Variants in SSX5 observed in about 807,000 individuals in gnomAD.
SSX5 encodes protein SSX5.
In SSX5, 14 loss-of-function variants were observed where a neutral mutation model predicts 14.9. That is an observed-to-expected ratio of 0.94 (90% CI 0.62 to 1.47). SSX5 has a LOEUF of 1.47. SSX5 is among the 40% of genes most tolerant of loss of function. SSX5 has a pLI of 0.00. For synonymous variants in SSX5, 70 were observed against 55.4 expected, an observed-to-expected ratio of 1.26 and a Z score of -1.17; for missense variants, 204 against 154.6, an observed-to-expected ratio of 1.32 and a Z score of -1.70.
intron 1 of SSX5, 33 bp from the exon 2 acceptor site, chrX:48,195,411 G>T (rs1290442286): frequency 8.5e-7 from 1 of 1,172,013 alleles, no homozygotes; most frequent in African/African-American, 1.8e-5. Context: ...CTTTCCAGCT[G>T]CAGGACCTTT....
chrX:48,188,490 C>T (rs2059407447), intron 6 of SSX5, among the ~76,000 whole-genome samples: 2 of 112,456 alleles, frequency 1.8e-5, no homozygotes. Context: ...ACAGGAACTG[C>T]ACTCATAGAA....
chrX:48,187,696 C>T lies in SSX5; in HGVS notation c.502G>A (p.Val168Met). The T allele has an allele frequency of 1.7e-6, 2 of 1,209,297 alleles. No individual in the cohort carries two copies. Among genetic ancestry groups the T allele is most frequent in the Non-Finnish European group, 2.2e-6 (2 of 895,136 alleles). ...ATCACCAGTTGCTTTCTCTCACGCACTCTGTGGGTCCAGGCATGTTTCCCC... is the reference window on the plus strand; with the variant it reads ...ATCACCAGTTGCTTTCTCTCACGCATTCTGTGGGTCCAGGCATGTTTCCCC... The part of the protein sequence containing the change: ...KRGKHAWTHR[V>M]RERKQLVIYE... Residue 168 changes from valine to methionine, a missense_variant, in exon 7 of 8, where the codon GTG becomes ATG. By Grantham distance (21) the Val-to-Met change is conservative. Coordinates refer to ENST00000347757, the MANE Select transcript of SSX5 (RefSeq NM_175723.2).
intron 2 of SSX5, 128 bp downstream of exon 2, chrX:48,195,162 C>T (rs2059435798): frequency 3.3e-6 from 4 of 1,209,257 alleles, no homozygotes; most frequent in Non-Finnish European, 4.5e-6. Context: ...TGAGAGGCTC[C>T]CAAGGTTCCA....
rs782710401 is a variant in SSX5 at position 48,194,849 on chromosome X, G to T, written c.75C>A (p.Phe25Leu). The T allele has an allele frequency of 3.3e-6, 4 of 1,200,244 alleles. No homozygotes were observed. Among genetic ancestry groups the T allele is most frequent in the Admixed American group, 2.3e-5 (1 of 43,640 alleles). ...SQIPEKMQKA[F>L]DDIAKYFSEK... is the part of the protein sequence containing the mutation. ...CAGAGAAGTATTTGGCAATATCATC[G>T]AAGGCCTAGAAAAAAAAAAAGGATT... The change falls in exon 3 of 8, where the codon TTC (phenylalanine) becomes TTA (leucine). Residue 25 changes from phenylalanine (F) to leucine (L), a missense_variant. By Grantham distance (22) the Phe-to-Leu change is conservative (BLOSUM62 0). Transcript: ENST00000347757.
rs146748651 is a variant in SSX5, at chrX:48,194,141, G to A, written c.268C>T (p.Arg90Cys). 7.5e-6 allele frequency: 9 copies of A among 1,207,238 alleles called. No individual in the cohort carries two copies. Among genetic ancestry groups the A allele is most frequent in the African/African-American group, 1.8e-5 (1 of 56,569 alleles). The change falls in exon 4 of 8, where the codon CGT becomes TGT. Residue 90 changes from arginine to cysteine, a missense_variant. Physicochemically the swap from Arg to Cys is radical, Grantham distance 180. Transcript: ENST00000347757. ...CCCATCTACTCACCCTGATTCCCACGGTTAGGGTCATTATCAAAATCATTC... is the reference window on the plus strand; with the variant it reads ...CCCATCTACTCACCCTGATTCCCACAGTTAGGGTCATTATCAAAATCATTC... ...QGNDFDNDPN[R>C]GNQVEHPQMT...
intron 6 of SSX5, 97 bp from the exon 7 acceptor site, chrX:48,187,828 A>G (rs2059404907): frequency 1.9e-6 from 2 of 1,032,818 alleles, no homozygotes; most frequent in Non-Finnish European, 2.7e-6. Context: ...AAAAAAGGAG[A>G]TGCCTCCCCA....
At position 48,194,112 on chromosome X, in the gene SSX5, C is replaced by G. The variant is rs781894444; in HGVS notation, c.280+17G>C. The G allele has an allele frequency of 8.3e-7, 1 of 1,205,011 alleles. No individual in the cohort carries two copies. The highest frequency in any genetic ancestry group is 3.0e-5 in the East Asian group (1 of 33,647). The stretch of plus-strand genomic sequence containing the variant: ...GCGCTTGAGGAGACCCTTTCCAGCC[C>G]CTTCCCATCTACTCACCCTGATTCC... On this transcript the variant is annotated intron_variant, in intron 4 of 7. Transcript: ENST00000347757.
intron 6 of SSX5, among the ~76,000 whole-genome samples, chrX:48,188,748 C>T (rs1556924231): frequency 1.8e-5 from 2 of 112,546 alleles, no homozygotes; most frequent in South Asian, 3.7e-4. Context: ...AAAGCCAAGA[C>T]AGGCTGAAAG....
intron 6 of SSX5, among the ~76,000 whole-genome samples, chrX:48,189,913 A>G (rs1313230438): frequency 8.9e-6 from 1 of 111,970 alleles, no homozygotes; most frequent in Non-Finnish European, 1.9e-5. Context: ...AGCTAAGAAA[A>G]TTTGGAAGAC....
Position 48,187,656 on chromosome X carries a change from C to T in SSX5, c.542G>A (p.Ser181Asn), listed in dbSNP as rs782168061. 3.3e-6 allele frequency: 4 copies of T among 1,207,980 alleles called. No homozygotes were observed. In the South Asian group the frequency reaches 7.1e-5, roughly 21 times the overall value. ...RKQLVIYEEISDPQEDDE is the reference protein window; with the variant it reads ...RKQLVIYEEINDPQEDDE Reference sequence around the variant, plus strand: ...TTACTCGTCATCTTCCTGAGGGTCGCTGATCTCTTCATAAATCACCAGTTG... The same window carrying T: ...TTACTCGTCATCTTCCTGAGGGTCGTTGATCTCTTCATAAATCACCAGTTG... Residue 181 changes from serine to asparagine, a missense_variant, in exon 7 of 8, where the codon AGC (serine) becomes AAC (asparagine). By Grantham distance (46) the Ser-to-Asn change is conservative. Transcript: ENST00000347757.
chrX:48,190,089 G>A (rs1556924455), intron 6 of SSX5, 44 bp downstream of exon 6: 1 of 1,203,095 alleles, frequency 8.3e-7, no homozygotes, highest in South Asian at 1.8e-5. Flanking sequence ...CCTGAACTTA[G>A]CGAGAAAAGC....
At chrX:48,194,347 G>C in intron 3 of SSX5, 123 bp from the exon 4 acceptor site, 1 of 751,785 alleles carries the variant, frequency 1.3e-6, no homozygotes, top group Non-Finnish European at 2.1e-6. Context: ...CCAGGAGTTT[G>C]AGGCTGCAGT....
chrX:48,194,781 T>C lies in SSX5; in HGVS notation c.143A>G (p.Tyr48Cys). 1 of 1,210,557 alleles carries C rather than the reference T, an allele frequency of 8.3e-7. No individual in the cohort carries two copies. Reference protein sequence around the residue: ...EKMKASEKIIYVYMKRKYEAM... With the variant: ...EKMKASEKIICVYMKRKYEAM... The stretch of plus-strand genomic sequence containing the variant: ...CTCATACTTTCTCTTCATATACACA[T>C]AGATGATTTTCTCCGAGGCTTTCAT... The change falls in exon 3 of 8, where the codon TAT (tyrosine) becomes TGT (cysteine). Residue 48 changes from tyrosine to cysteine, a missense_variant. Transcript: ENST00000347757.
At chrX:48,196,312 T>C (rs1314062568) in intron 1 of SSX5, among the ~76,000 whole-genome samples, 1 of 107,911 alleles carries the variant, frequency 9.3e-6, no homozygotes, top group Non-Finnish European at 1.9e-5. Context: ...TGGGATGGTG[T>C]GCACCTGTAG....
intron 4 of SSX5, among the ~76,000 whole-genome samples, chrX:48,192,986 C>T (rs1459332344): frequency 1.8e-5 from 2 of 112,023 alleles, no homozygotes; most frequent in Non-Finnish European, 3.8e-5. Flanking sequence ...TTTTTCACCC[C>T]ATGTTATCTC....
Position 48,186,446 on chromosome X carries a change from T to A in SSX5, c.*415A>T, listed in dbSNP as rs1486861275. 7 of 299,171 alleles carry A rather than the reference T, an allele frequency of 2.3e-5. No individual in the cohort carries two copies. Among genetic ancestry groups the A allele is most frequent in the Non-Finnish European group, 4.2e-5 (7 of 167,482 alleles). 24.7% of individuals were successfully genotyped at this position (299,171 alleles called of 1,213,427 possible). A position where few individuals can be genotyped will look rare whatever the true frequency, so the allele number is the denominator to read the frequency against. ...TGTGTCTGTGTGGCATGTGTGTGTGTTTGTGTAAATGCAGAGGAAAAAATC... is the reference window on the plus strand; with the variant it reads ...TGTGTCTGTGTGGCATGTGTGTGTGATTGTGTAAATGCAGAGGAAAAAATC... On this transcript the variant is annotated 3_prime_UTR_variant, in exon 8 of 8. Transcript: ENST00000347757.
chrX:48,195,099 T>G lies in SSX5; in HGVS notation c.69+191A>C, dbSNP rs1556925559. 7 of 1,211,528 alleles carry G rather than the reference T, an allele frequency of 5.8e-6. No homozygotes were observed. The Admixed American group carries it at 6.5e-5, about 11-fold the overall frequency. ...AACGGACTGAGATTCACCAAATGTA[T>G]TCCACGGTCACAGACTTGTCTCCAG... On this transcript the variant is annotated intron_variant, in intron 2 of 7. Transcript: ENST00000347757.
intron 7 of SSX5, among the ~76,000 whole-genome samples, chrX:48,187,327 G>A (rs1457255564): frequency 9.0e-6 from 1 of 110,851 alleles, no homozygotes; most frequent in East Asian, 2.8e-4. Flanking sequence ...GGTCGTGGTG[G>A]CGGGTGCTTG....
chrX:48,192,962 G>C (rs781961471), intron 4 of SSX5, among the ~76,000 whole-genome samples: 7 of 112,053 alleles, frequency 6.2e-5, no homozygotes, highest in Non-Finnish European at 1.1e-4. Context: ...GATCTCTACC[G>C]AAGAACCTGT....
Sources: allele counts gnomAD v4.1 joint callset (sites outside exome capture counted in the v4.1 genomes callset), GRCh38; gene constraint gnomAD v4.1.1; transcripts MANE v1.5; gene names NCBI Gene and HGNC (gene_info 2026-07-23, HGNC 2026-07-21).